Variants in PLCB1 observed in about 807,000 individuals in gnomAD.
The protein encoded by PLCB1 is phospholipase C beta 1, also known as 1-phosphatidylinositol 4,5-bisphosphate phosphodiesterase beta-1.
PLCB1 carries 46 observed loss-of-function variants against 161.8 expected under a neutral mutation model. The observed-to-expected ratio is 0.28, with a 90% CI of 0.22 to 0.36. PLCB1 has a LOEUF of 0.36. PLCB1 is among the 10% of genes least tolerant of loss of function. The pLI is 1.00. For missense variants in PLCB1, 1,016 were observed against 1,472.5 expected (o/e 0.69, Z 5.07); for synonymous variants, 517 against 503.7 (o/e 1.03, Z -0.35).
intron 2 of PLCB1, among the ~76,000 whole-genome samples, chr20:8,318,488 C>G (rs1259302885): frequency 6.8e-6 from 1 of 147,650 alleles, no homozygotes; most frequent in African/African-American, 2.5e-5. Context: ...GCTTGTTTCT[C>G]TGTTGTACAA....
At chr20:8,645,124 C>T (rs996064588) in intron 4 of PLCB1, among the ~76,000 whole-genome samples, 41 of 150,984 alleles carry the variant, frequency 2.7e-4, no homozygotes, top group Non-Finnish European at 2.1e-4. Flanking sequence ...AGGCAGCATG[C>T]TCGTTAAGAG....
At chr20:8,261,435 T>C (rs1397533954) in intron 2 of PLCB1, among the ~76,000 whole-genome samples, 1 of 152,162 alleles carries the variant, frequency 6.6e-6, no homozygotes, top group Non-Finnish European at 1.5e-5. Flanking sequence ...GATGTCTAAC[T>C]AAGCTATTTA....
At chr20:8,181,911 G>A (rs900986852) in intron 2 of PLCB1, among the ~76,000 whole-genome samples, 4 of 152,198 alleles carry the variant, frequency 2.6e-5, no homozygotes, top group African/African-American at 9.6e-5. Flanking sequence ...ACAGGTTACA[G>A]TGAGCTATGA....
At chr20:8,338,794 A>C (rs1263010287) in intron 2 of PLCB1, among the ~76,000 whole-genome samples, 1 of 152,146 alleles carries the variant, frequency 6.6e-6, no homozygotes, top group East Asian at 1.9e-4. Flanking sequence ...CTTCCAGTCA[A>C]TACCTCTCTC....
chr20:8,673,953 CA>C (rs1246208086), intron 9 of PLCB1, among the ~76,000 whole-genome samples: 1 of 152,116 alleles, frequency 6.6e-6, no homozygotes, highest in Non-Finnish European at 1.5e-5. Context: ...CCCCTCTTCC[CA>C]AGGGCGCAGT....
chr20:8,304,838 AAG>A (rs1464667223), intron 2 of PLCB1, among the ~76,000 whole-genome samples: 1 of 152,168 alleles, frequency 6.6e-6, no homozygotes, highest in Non-Finnish European at 1.5e-5. Context: ...CAGAGAGATT[AAG>A]AAACTTGCTC....
chr20:8,843,617 T>G (rs1405706439), intron 31 of PLCB1, among the ~76,000 whole-genome samples: 1 of 151,928 alleles, frequency 6.6e-6, no homozygotes, highest in Non-Finnish European at 1.5e-5. Flanking sequence ...AATGAATGTA[T>G]AATATATATA....
chr20:8,620,146 C>T (rs577705375), intron 3 of PLCB1, among the ~76,000 whole-genome samples: 2 of 152,262 alleles, frequency 1.3e-5, no homozygotes, highest in South Asian at 4.1e-4. Flanking sequence ...TCTGCAAACT[C>T]TAATGTGTCA....
intron 3 of PLCB1, among the ~76,000 whole-genome samples, chr20:8,399,143 GT>G (rs890666137): frequency 6.7e-5 from 10 of 149,372 alleles, no homozygotes; most frequent in Non-Finnish European, 1.3e-4. Flanking sequence ...CATCTTGGAG[GT>G]TTTTTTTGTT....
intron 3 of PLCB1, among the ~76,000 whole-genome samples, chr20:8,483,736 A>G (rs79703462): frequency 0.021 from 3,156 of 152,314 alleles, 138 homozygotes; most frequent in African/African-American, 0.072. Context: ...AAAATGTTGC[A>G]GAATGCTACA....
At chr20:8,607,572 C>T (rs954988993) in intron 3 of PLCB1, among the ~76,000 whole-genome samples, 3 of 152,184 alleles carry the variant, frequency 2.0e-5, no homozygotes, top group African/African-American at 7.2e-5. Context: ...GAACTTTCTT[C>T]TCTTCTCCAG....
At chr20:8,829,716 A>G (rs2223571) in intron 31 of PLCB1, among the ~76,000 whole-genome samples, 47,117 of 152,156 alleles carry the variant, frequency 0.31, 8,365 homozygotes, top group East Asian at 0.63. Flanking sequence ...TCAATTTAAT[A>G]TGAAAGAGTA....
chr20:8,471,539 C>A (rs1419783871), intron 3 of PLCB1, among the ~76,000 whole-genome samples: 1 of 152,068 alleles, frequency 6.6e-6, no homozygotes, highest in East Asian at 1.9e-4. Flanking sequence ...TGGGAAGGAT[C>A]CTGACATTTT....
intron 31 of PLCB1, among the ~76,000 whole-genome samples, chr20:8,798,112 G>T (rs1984114963): frequency 6.6e-6 from 1 of 151,910 alleles, no homozygotes; most frequent in Non-Finnish European, 1.5e-5. Flanking sequence ...TGGGAGAATT[G>T]CTTGGACCTG....
At chr20:8,136,076 A>G (rs531797929) in intron 1 of PLCB1, among the ~76,000 whole-genome samples, 1 of 152,276 alleles carries the variant, frequency 6.6e-6, no homozygotes, top group Admixed American at 6.5e-5. Flanking sequence ...ACTCTGTCTC[A>G]CTGTCGCACA....
chr20:8,712,154 G>A (rs746387344), intron 12 of PLCB1, among the ~76,000 whole-genome samples: 7 of 151,988 alleles, frequency 4.6e-5, no homozygotes, highest in Non-Finnish European at 8.8e-5. Context: ...TACAAAACAG[G>A]TGTTATGGCG....
intron 3 of PLCB1, among the ~76,000 whole-genome samples, chr20:8,545,131 A>G (rs913802532): frequency 6.6e-6 from 1 of 152,214 alleles, no homozygotes; most frequent in African/African-American, 2.4e-5. Flanking sequence ...GGAGTTAGAT[A>G]GGGGGAAAAA....
intron 2 of PLCB1, among the ~76,000 whole-genome samples, chr20:8,209,155 G>A (rs1978684582): frequency 6.6e-6 from 1 of 152,000 alleles, no homozygotes. Context: ...AACTCTGGCT[G>A]CTATTTTAAT....
At chr20:8,570,960 A>G (rs1310838527) in intron 3 of PLCB1, among the ~76,000 whole-genome samples, 2 of 152,180 alleles carry the variant, frequency 1.3e-5, no homozygotes, top group African/African-American at 2.4e-5. Flanking sequence ...TTTAAAGTCA[A>G]AGTAATCCTG....
Sources: allele counts gnomAD v4.1 joint callset (sites outside exome capture counted in the v4.1 genomes callset), GRCh38; gene constraint gnomAD v4.1.1; transcripts MANE v1.5; gene names NCBI Gene and HGNC (gene_info 2026-07-23, HGNC 2026-07-21).